Variants in BMPR2 observed in about 807,000 individuals in gnomAD.
The protein encoded by BMPR2 is bone morphogenetic protein receptor type-2.
A neutral mutation model predicts 100.8 loss-of-function variants in BMPR2; 29 were observed. That is an observed-to-expected ratio of 0.29 (90% CI 0.21 to 0.39). The LOEUF is 0.39. Among genes scored for constraint, BMPR2 ranks in the 10% least tolerant of loss-of-function variants. BMPR2 has a pLI of 1.00. For synonymous variants in BMPR2, 382 were observed against 442.3 expected (o/e 0.86, Z 1.71); for missense variants, 1,011 against 1,274.5 (o/e 0.79, Z 3.15).
chr2:202,468,057 T>C (rs1361686433), intron 3 of BMPR2, among the ~76,000 whole-genome samples: 3 of 150,990 alleles, frequency 2.0e-5, no homozygotes, highest in African/African-American at 7.3e-5. Context: ...AAAAAAAAAT[T>C]CAAAGTTGTT....
chr2:202,518,127 C>CTTTTTT (rs35869694), intron 5 of BMPR2, among the ~76,000 whole-genome samples: 1 of 77,050 alleles, frequency 1.3e-5, no homozygotes, highest in Non-Finnish European at 2.5e-5. Flanking sequence ...CGCCTGGCCT[C>CTTTTTT]TTTTTTTTTT....
chr2:202,437,570 T>C (rs1691639456), intron 1 of BMPR2, among the ~76,000 whole-genome samples: 2 of 150,490 alleles, frequency 1.3e-5, no homozygotes, highest in Admixed American at 6.6e-5. Flanking sequence ...TTTAGAACAT[T>C]TTTCTTACAC....
chr2:202,525,769 G>C (rs576442026), intron 7 of BMPR2, among the ~76,000 whole-genome samples: 1 of 151,138 alleles, frequency 6.6e-6, no homozygotes, highest in Non-Finnish European at 1.5e-5. Flanking sequence ...GCCTTTGCTC[G>C]TGTTTCAGAG....
intron 3 of BMPR2, among the ~76,000 whole-genome samples, chr2:202,498,728 A>C (rs1693097344): frequency 6.6e-6 from 1 of 151,962 alleles, no homozygotes; most frequent in Non-Finnish European, 1.5e-5. Flanking sequence ...GAGGCGGCTC[A>C]TTTTTTTCTG....
intron 1 of BMPR2, among the ~76,000 whole-genome samples, chr2:202,410,146 G>A (rs1167784695): frequency 2.0e-5 from 3 of 151,970 alleles, no homozygotes; most frequent in Non-Finnish European, 4.4e-5. Flanking sequence ...CACCACGCCT[G>A]GCTAATTTTT....
Position 202,491,233 on chromosome 2 carries a change from T to A in BMPR2, c.419-22486T>A, listed in dbSNP as rs528413052. On this transcript the variant is annotated intron_variant, in intron 3 of 12. Coordinates refer to ENST00000374580, the MANE Select transcript of BMPR2 (RefSeq NM_001204.7). Reference sequence around the variant, plus strand: ...CACTACACCCGGCTAATCTTTTAATTGTTTGTAGAGATGGGGTCTTGGCAG... The same window carrying A: ...CACTACACCCGGCTAATCTTTTAATAGTTTGTAGAGATGGGGTCTTGGCAG... Among the ~76,000 whole-genome samples the A allele has an allele frequency of 7.2e-5, 11 of 152,120 alleles. No homozygotes were observed. In the East Asian group the frequency reaches 1.9e-3, roughly 27 times the overall value.
intron 1 of BMPR2, among the ~76,000 whole-genome samples, chr2:202,424,199 C>A (rs10194377): frequency 0.053 from 8,112 of 151,698 alleles, 707 homozygotes; most frequent in African/African-American, 0.19. Flanking sequence ...CATGGTGACA[C>A]CCTGTCTCTA....
In BMPR2 at chr2:202,376,539, G is replaced by GGCGGCGGCAGCAGCA. The variant is rs1553583989; in HGVS notation, c.-930_-916dup. 1.4e-5 allele frequency among the ~76,000 whole-genome samples: 2 copies of GGCGGCGGCAGCAGCA among 141,846 alleles called. No individual in the cohort carries two copies. Among genetic ancestry groups the GGCGGCGGCAGCAGCA allele is most frequent in the Admixed American group, 7.4e-5 (1 of 13,450 alleles). 93.1% of individuals were successfully genotyped at this position (141,846 alleles called of 152,430 possible). On this transcript the variant is annotated 5_prime_UTR_variant, in exon 1 of 13. Coordinates refer to ENST00000374580, the MANE Select transcript of BMPR2 (RefSeq NM_001204.7). ...CGGCGGCGGCGGCGGCGGCGGCGGCGGCGGCGGCAGCAGCAGCGGCTTCCT... is the reference window on the plus strand; with the variant it reads ...CGGCGGCGGCGGCGGCGGCGGCGGCGGCGGCGGCAGCAGCAGCGGCGGCAGCAGCAGCGGCTTCCT...
At chr2:202,525,663 T>C (rs1317884270) in intron 7 of BMPR2, among the ~76,000 whole-genome samples, 1 of 152,022 alleles carries the variant, frequency 6.6e-6, no homozygotes. Flanking sequence ...GTAATATAGT[T>C]GTTGTTGATG....
intron 1 of BMPR2, among the ~76,000 whole-genome samples, chr2:202,415,745 G>A (rs1243674931): frequency 2.6e-5 from 4 of 152,118 alleles, no homozygotes; most frequent in Admixed American, 2.0e-4. Flanking sequence ...GCCCACCATT[G>A]AGAACTACTG....
chr2:202,504,300 T>C (rs1574481894), intron 3 of BMPR2, among the ~76,000 whole-genome samples: 2 of 152,112 alleles, frequency 1.3e-5, no homozygotes, highest in South Asian at 4.2e-4. Context: ...CCATACTGTT[T>C]TTATGAGCTG....
intron 1 of BMPR2, among the ~76,000 whole-genome samples, chr2:202,404,345 C>G (rs1690838178): frequency 1.3e-5 from 2 of 152,020 alleles, no homozygotes; most frequent in Admixed American, 1.3e-4. Context: ...GCATGCACCA[C>G]TGCACCCGGC....
chr2:202,384,564 C>CTTTA (rs1426751018), intron 1 of BMPR2, among the ~76,000 whole-genome samples: 3 of 28,918 alleles, frequency 1.0e-4, no homozygotes, highest in Non-Finnish European at 2.1e-4. Flanking sequence ...TTCTTTCTTT[C>CTTTA]TTTCTTTTTC....
intron 3 of BMPR2, among the ~76,000 whole-genome samples, chr2:202,485,438 A>G (rs547213180): frequency 3.3e-5 from 5 of 151,910 alleles, no homozygotes; most frequent in African/African-American, 1.2e-4. Context: ...GACAGGTTTC[A>G]GTAAATCATT....
chr2:202,555,674 C>T lies in BMPR2; in HGVS notation c.2009C>T (p.Pro670Leu). ...EEDLETNKLD[P>L]KEVDKNLKES... is the part of the protein sequence containing the mutation. ...GACTTGGAAACCAACAAGCTAGACC[C>T]AAAAGAAGTTGATAAGAACCTCAAG... Residue 670 changes from proline to leucine, a missense_variant, in exon 12 of 13, where the codon CCA becomes CTA. This residue lies in a region of BMPR2 where 508 missense variants were observed against 552.0 expected (regional missense o/e 0.92). Transcript: ENST00000374580. The T allele has an allele frequency of 6.2e-7, 1 of 1,614,044 alleles. No individual in the cohort carries two copies. The highest frequency in any genetic ancestry group is 8.5e-7 in the Non-Finnish European group (1 of 1,180,028).
At chr2:202,465,718 C>T (rs1308653464) in intron 2 of BMPR2, among the ~76,000 whole-genome samples, 3 of 151,708 alleles carry the variant, frequency 2.0e-5, no homozygotes, top group African/African-American at 4.8e-5. Flanking sequence ...ATTAGCCGGG[C>T]GTGGTGGCGG....
intron 9 of BMPR2, among the ~76,000 whole-genome samples, chr2:202,535,848 C>T (rs1445885891): frequency 2.0e-5 from 3 of 152,172 alleles, no homozygotes; most frequent in South Asian, 2.1e-4. Flanking sequence ...CTCGGGAGGC[C>T]GAGGCTGGCG....
At position 202,440,549 on chromosome 2, in the gene BMPR2, A is replaced by C. The variant is rs908550692; in HGVS notation, c.77-24260A>C. On this transcript the variant is annotated intron_variant, in intron 1 of 12. Coordinates refer to ENST00000374580, the MANE Select transcript of BMPR2 (RefSeq NM_001204.7). ...GGGCGGCCAGGCAGAGACGCTCCTC[A>C]CTTCCCAGACGGGGTGGCGGCCGGG... Among the ~76,000 whole-genome samples, 27 of 150,542 alleles carry C rather than the reference A, an allele frequency of 1.8e-4. No homozygotes were observed. The South Asian group carries it at 3.1e-3, about 17-fold the overall frequency.
chr2:202,379,720 A>T (rs1307828876), intron 1 of BMPR2, among the ~76,000 whole-genome samples: 4 of 152,208 alleles, frequency 2.6e-5, no homozygotes, highest in Admixed American at 6.5e-5. Flanking sequence ...TGAACAGGAA[A>T]ATAAATCCTA....
Sources: gnomAD v4.1 joint callset for allele counts (sites outside exome capture counted in the v4.1 genomes callset) on GRCh38, gnomAD v4.1.1 for gene constraint, gnomAD v4.1.1 regional missense constraint, MANE v1.5 for transcripts, NCBI Gene and HGNC (gene_info 2026-07-23, HGNC 2026-07-21) for gene names.